NEB: variants seen among roughly 807,000 people sequenced by gnomAD.
The protein encoded by NEB is nebulin.
NEB carries 512 observed loss-of-function variants against 952.2 expected under a neutral mutation model. The ratio of observed to expected loss-of-function variants is 0.54; its 90% CI spans 0.50 to 0.58. The LOEUF is 0.58. Ranked by LOEUF, NEB falls within the 20% of genes least tolerant of loss-of-function variation. NEB has a pLI of 0.00. For synonymous variants in NEB, 2,900 were observed against 3,149.8 expected, an observed-to-expected ratio of 0.92 and a Z score of 2.66; for missense variants, 8,428 against 9,231.1, an observed-to-expected ratio of 0.91 and a Z score of 3.56.
chr2:151,490,403 G>T lies in NEB; in HGVS notation c.25266C>A (p.Tyr8422Ter), dbSNP rs1433028646. The T allele has an allele frequency of 2.5e-6, 4 of 1,595,000 alleles. No homozygotes were observed. In the Admixed American group the frequency reaches 5.2e-5, roughly 21 times the overall value. ...AGACTGCAAAGACACCCCCGTCGCT[G>T]TAAGTCGAAAGGTGGTGGTCTGGTG... ...SEAPDHHLSTYSDGGVFAVST... is the reference protein window; with the variant it reads ...SEAPDHHLST Residue 8422 changes from tyrosine (Y) to a stop codon, truncating the protein, a stop_gained, in exon 180 of 182, where the codon TAC (tyrosine) becomes TAA (stop). Transcript: ENST00000397345. LOFTEE classifies it high-confidence loss of function.
At chr2:151,674,443 A>G in intron 36 of NEB, 34 bp downstream of exon 36, 5 of 1,537,976 alleles carry the variant, frequency 3.3e-6, no homozygotes, top group Non-Finnish European at 4.5e-6. Flanking sequence ...TCAAAAAGGC[A>G]AACACCTAAA....
At chr2:151,683,620 T>C (rs1244286879) in intron 28 of NEB, among the ~76,000 whole-genome samples, 1 of 152,188 alleles carries the variant, frequency 6.6e-6, no homozygotes, top group Non-Finnish European at 1.5e-5. Context: ...GTGGTAGGAA[T>C]GTAAAATTTT....
At position 151,498,269 on chromosome 2, in the gene NEB, G is replaced by T. The variant is rs2061715771; in HGVS notation, c.24198C>A (p.Asn8066Lys). 1 of 1,551,178 alleles carries T rather than the reference G, an allele frequency of 6.4e-7. No homozygotes were observed. The highest frequency in any genetic ancestry group is 1.4e-5 in the African/African-American group (1 of 72,976). ...EMQRVKHNQE[N>K]LSSVLYKENM... The stretch of plus-strand genomic sequence containing the variant: ...TTTCTTTCCAAAATACCGAGCTAAG[G>T]TTTTCTTGATTGTGTTTGACTCTCT... Residue 8066 changes from asparagine to lysine, a missense_variant, in exon 170 of 182, where the codon AAC (asparagine) becomes AAA (lysine). Around this residue, in one of 11 missense-constraint regions of NEB, gnomAD observed 3,374 missense variants for 3,651.5 expected, o/e 0.92. Transcript: ENST00000397345.
At position 151,682,788 on chromosome 2, in the gene NEB, G is replaced by T. The variant is rs1172897728; in HGVS notation, c.2836-19C>A. Reference sequence around the variant, plus strand: ...ATTCAACCTAAAACACCAAGAGAAAGGTTACATTTCTTTGCTGTGTCATCC... The same window carrying T: ...ATTCAACCTAAAACACCAAGAGAAATGTTACATTTCTTTGCTGTGTCATCC... On this transcript the variant is annotated intron_variant, in intron 28 of 181. Transcript: ENST00000397345. The T allele has an allele frequency of 2.5e-6, 4 of 1,583,974 alleles. No individual in the cohort carries two copies. Among genetic ancestry groups the T allele is most frequent in the Non-Finnish European group, 3.5e-6 (4 of 1,155,844 alleles).
chr2:151,618,359 C>A lies in NEB; in HGVS notation c.10992G>T (p.Gln3664His). 6.2e-7 allele frequency: 1 copy of A among 1,613,998 alleles called. No individual in the cohort carries two copies. Among genetic ancestry groups the A allele is most frequent in the Non-Finnish European group, 8.5e-7 (1 of 1,179,874 alleles). The stretch of plus-strand genomic sequence containing the variant: ...TGGTAAATTTCAGCGTTTCTGGACG[C>A]TGACGGTAGATAGTATCACTAAGTA... ...GELLSDTIYR[Q>H]RPETLKFTSI... Residue 3664 changes from glutamine (Q) to histidine (H), a missense_variant, in exon 74 of 182, where the codon CAG becomes CAT. This residue lies in a region of NEB where 1,772 missense variants were observed against 1,960.3 expected (regional missense o/e 0.90). Coordinates refer to ENST00000397345, the MANE Select transcript of NEB (RefSeq NM_001164508.2).
rs960735572 is a variant in NEB at position 151,496,952 on chromosome 2, T to C, written c.24382A>G (p.Asn8128Asp). 14 of 1,575,922 alleles carry C rather than the reference T, an allele frequency of 8.9e-6. No homozygotes were observed. The highest frequency in any genetic ancestry group is 9.5e-6 in the Non-Finnish European group (11 of 1,158,380). Residue 8128 changes from asparagine (N) to aspartate (D), a missense_variant, in exon 172 of 182, where the codon AAT becomes GAT. Around this residue, in one of 11 missense-constraint regions of NEB, gnomAD observed 3,374 missense variants for 3,651.5 expected, o/e 0.92. Coordinates refer to ENST00000397345, the MANE Select transcript of NEB (RefSeq NM_001164508.2). ...EMERVKHNQENISSVLYKENM... is the reference protein window; with the variant it reads ...EMERVKHNQEDISSVLYKENM... ...TCTTGCCCAAGTACCGAGCTAATATTTTCTTGATTGTGTTTGACTCTCTCC... is the reference window on the plus strand; with the variant it reads ...TCTTGCCCAAGTACCGAGCTAATATCTTCTTGATTGTGTTTGACTCTCTCC...
chr2:151,694,949 T>C (rs544154834), intron 18 of NEB, among the ~76,000 whole-genome samples: 49 of 152,332 alleles, frequency 3.2e-4, no homozygotes, highest in African/African-American at 1.2e-3. Context: ...TTTTATGATA[T>C]AAAGGCATCA....
At chr2:151,670,825 C>T (rs1024176056) in intron 38 of NEB, among the ~76,000 whole-genome samples, 198 bp downstream of exon 38, 10 of 152,054 alleles carry the variant, frequency 6.6e-5, no homozygotes, top group Non-Finnish European at 1.0e-4. Flanking sequence ...TGGAATAGTC[C>T]CCCATTTTCA....
intron 117 of NEB, 55 bp downstream of exon 117, chr2:151,564,989 G>A: frequency 9.5e-7 from 1 of 1,056,458 alleles, no homozygotes; most frequent in Non-Finnish European, 1.4e-6. Context: ...GAATATGAAT[G>A]CAACAAGAGC....
intron 19 of NEB, 32 bp downstream of exon 19, chr2:151,694,490 C>G: frequency 1.2e-6 from 2 of 1,613,444 alleles, no homozygotes; most frequent in Non-Finnish European, 1.7e-6. Context: ...GTCCCCGAAG[C>G]CAGCCTGTCC....
Position 151,697,255 on chromosome 2 carries a change from A to G in NEB, c.1366-3T>C, listed in dbSNP as rs754212836. The G allele has an allele frequency of 7.4e-6, 12 of 1,613,480 alleles. No individual in the cohort carries two copies. The highest frequency in any genetic ancestry group is 2.2e-5 in the East Asian group (1 of 44,882). Reference sequence around the variant, plus strand: ...TCGTATTCTGCTTTGTAGTTTTTCTATGAGGAGAAGAAATTAGGCATAAGA... The same window carrying G: ...TCGTATTCTGCTTTGTAGTTTTTCTGTGAGGAGAAGAAATTAGGCATAAGA... On this transcript the variant is annotated splice_region_variant and splice_polypyrimidine_tract_variant and intron_variant, in intron 15 of 181. Transcript: ENST00000397345.
Position 151,503,361 on chromosome 2 carries a change from C to G in NEB, c.23823G>C (p.Glu7941Asp). 1.2e-6 allele frequency: 2 copies of G among 1,610,342 alleles called. No homozygotes were observed. The highest frequency in any genetic ancestry group is 1.7e-6 in the Non-Finnish European group (2 of 1,177,244). Residue 7941 changes from glutamate (E) to aspartate (D), a missense_variant, in exon 166 of 182, where the codon GAG (glutamate) becomes GAC (aspartate). Physicochemically the swap from Glu to Asp is conservative, Grantham distance 45. This residue lies in a region of NEB where 3,374 missense variants were observed against 3,651.5 expected (regional missense o/e 0.92). Coordinates refer to ENST00000397345, the MANE Select transcript of NEB (RefSeq NM_001164508.2). ...PEIERVKRNQ[E>D]NFSSVLYKEN... ...TATTTGTAAATACCGAGCTAAAGTTCTCTTGATTGCGTTTGACTCTCTCAA... is the reference window on the plus strand; with the variant it reads ...TATTTGTAAATACCGAGCTAAAGTTGTCTTGATTGCGTTTGACTCTCTCAA...
At chr2:151,495,270 A>G (rs1406072288) in intron 173 of NEB, 1 of 152,202 alleles carries the variant, frequency 6.6e-6, no homozygotes, top group Non-Finnish European at 1.5e-5. Flanking sequence ...AATGACATTG[A>G]AGAGGAAGAA....
At chr2:151,613,931 G>C (rs2098112532) in intron 77 of NEB, among the ~76,000 whole-genome samples, 1 of 152,172 alleles carries the variant, frequency 6.6e-6, no homozygotes, top group Admixed American at 6.5e-5. Flanking sequence ...GTCTCAGGTA[G>C]TTCTTTATAG....
Position 151,708,845 on chromosome 2 carries a change from A to C in NEB, c.1035+811T>G, listed in dbSNP as rs1029590313. 3.3e-5 allele frequency among the ~76,000 whole-genome samples: 5 copies of C among 152,320 alleles called. No individual in the cohort carries two copies. The East Asian group carries it at 7.7e-4, about 23-fold the overall frequency. ...CCCATTCATCTAACTGCTTAGACCA[A>C]AACCCGTGTCATCCAATCCATCAGC... On this transcript the variant is annotated intron_variant, in intron 12 of 181. Transcript: ENST00000397345.
At chr2:151,533,345 T>C in intron 143 of NEB, 97 bp downstream of exon 143, 1 of 782,638 alleles carries the variant, frequency 1.3e-6, no homozygotes, top group Admixed American at 2.3e-5. Context: ...GAAGCCAGCA[T>C]GGGCAGGGAG....
chr2:151,549,855 A>G lies in NEB; in HGVS notation c.19945-115T>C, dbSNP rs147292884. On this transcript the variant is annotated intron_variant, in intron 129 of 181. Coordinates refer to ENST00000397345, the MANE Select transcript of NEB (RefSeq NM_001164508.2). ...TTTTGACTAGATACTTAATACACTT[A>G]TGCTCACTGAATTGATTTCAGGAGA... 1.7e-5 allele frequency: 11 copies of G among 641,254 alleles called. No homozygotes were observed. The East Asian group carries it at 1.9e-4, about 11-fold the overall frequency. The allele number at this position is 641,254 out of a possible 1,614,324, so 39.7% of individuals were successfully genotyped here.
chr2:151,672,272 T>G (rs1559084840), intron 37 of NEB, 97 bp downstream of exon 37: 2 of 1,197,288 alleles, frequency 1.7e-6, no homozygotes, highest in Non-Finnish European at 1.1e-6. Flanking sequence ...AAAGTGCATT[T>G]GTCAAATAGC....
intron 11 of NEB, among the ~76,000 whole-genome samples, chr2:151,710,214 T>C (rs2099740587): frequency 6.6e-6 from 1 of 152,220 alleles, no homozygotes; most frequent in Non-Finnish European, 1.5e-5. Flanking sequence ...TTGTAAAAAT[T>C]GAGGTAGAAA....
Sources: allele counts gnomAD v4.1 joint callset (sites outside exome capture counted in the v4.1 genomes callset), GRCh38; gene constraint gnomAD v4.1.1; regional missense constraint gnomAD v4.1.1; transcripts MANE v1.5; gene names NCBI Gene and HGNC (gene_info 2026-07-23, HGNC 2026-07-21).